CPNE8: variants seen among roughly 807,000 people sequenced by gnomAD.
The protein encoded by CPNE8 is copine 8.
CPNE8 carries 45 observed loss-of-function variants against 81.5 expected under a neutral mutation model. The observed-to-expected ratio is 0.55, with a 90% CI of 0.44 to 0.71. The LOEUF (loss-of-function observed/expected upper bound fraction) is 0.71. CPNE8 is among the 30% of genes least tolerant of loss of function. The pLI is 0.00. For missense variants in CPNE8, 594 were observed against 672.1 expected (o/e 0.88, Z 1.28); for synonymous variants, 252 against 226.3 (o/e 1.11, Z -1.02).
intron 6 of CPNE8, among the ~76,000 whole-genome samples, chr12:38,818,467 C>CT (rs1943062530): frequency 6.6e-6 from 1 of 152,272 alleles, no homozygotes; most frequent in Non-Finnish European, 1.5e-5. Flanking sequence ...TAAACTCATC[C>CT]TTTTTTATGT....
chr12:38,774,699 T>C (rs1941888550), intron 7 of CPNE8, among the ~76,000 whole-genome samples: 1 of 152,078 alleles, frequency 6.6e-6, no homozygotes, highest in South Asian at 2.1e-4. Context: ...GAGTAAGTAG[T>C]CAAGTGTCTT....
chr12:38,848,340 C>T (rs1254667493), intron 4 of CPNE8, among the ~76,000 whole-genome samples: 2 of 152,194 alleles, frequency 1.3e-5, no homozygotes, highest in East Asian at 1.9e-4. Context: ...CCATATACAC[C>T]GTCCTGCATG....
At chr12:38,689,853 A>C (rs1939632366) in intron 15 of CPNE8, among the ~76,000 whole-genome samples, 1 of 152,214 alleles carries the variant, frequency 6.6e-6, no homozygotes, top group South Asian at 2.1e-4. Context: ...TAAATCCAAA[A>C]GGAGTCATCA....
chr12:38,780,483 G>C (rs1942026894), intron 6 of CPNE8, among the ~76,000 whole-genome samples: 1 of 152,082 alleles, frequency 6.6e-6, no homozygotes, highest in East Asian at 1.9e-4. Context: ...TCAATTTCTA[G>C]ATTCAGAAAG....
intron 6 of CPNE8, among the ~76,000 whole-genome samples, chr12:38,811,397 TA>T (rs913637372): frequency 2.6e-5 from 4 of 152,044 alleles, no homozygotes; most frequent in Non-Finnish European, 5.9e-5. Flanking sequence ...GACATAGCAA[TA>T]AAAAATGAAT....
chr12:38,708,238 C>A lies in CPNE8; in HGVS notation c.915-5317G>T, dbSNP rs147560941. Among the ~76,000 whole-genome samples, 499 of 152,106 alleles carry A rather than the reference C, an allele frequency of 3.3e-3. 2 individuals are homozygous for A. Among genetic ancestry groups the A allele is most frequent in the African/African-American group, 0.012 (478 of 41,516 alleles). On this transcript the variant is annotated intron_variant, in intron 13 of 19. Transcript: ENST00000331366. ...TAACCTCAAGCTATAAAACAGGTTTCTTGAAGACTTTAATACATAATTTGT... is the reference window on the plus strand; with the variant it reads ...TAACCTCAAGCTATAAAACAGGTTTATTGAAGACTTTAATACATAATTTGT...
chr12:38,727,528 C>G (rs1257622962), intron 11 of CPNE8, among the ~76,000 whole-genome samples: 1 of 152,118 alleles, frequency 6.6e-6, no homozygotes, highest in Admixed American at 6.5e-5. Context: ...TTGTCATTAA[C>G]TGACTTATAT....
chr12:38,840,023 T>G (rs1943443368), intron 4 of CPNE8, 68 bp from the exon 5 acceptor site: 1 of 1,391,288 alleles, frequency 7.2e-7, no homozygotes, highest in African/African-American at 1.4e-5. Context: ...ACCAGTATTT[T>G]CCAAAACACA....
intron 3 of CPNE8, among the ~76,000 whole-genome samples, chr12:38,868,164 A>G (rs1247815172): frequency 2.0e-5 from 3 of 152,072 alleles, no homozygotes; most frequent in African/African-American, 7.2e-5. Flanking sequence ...TAATGCTGAT[A>G]CCTCCATCAA....
rs749004222 is a variant in CPNE8 at position 38,815,227 on chromosome 12, A to G, written c.407+14152T>C. Among the ~76,000 whole-genome samples the G allele has an allele frequency of 7.2e-4, 110 of 151,996 alleles. 1 individual carries two copies. Among genetic ancestry groups the G allele is most frequent in the Non-Finnish European group, 6.6e-4 (45 of 68,004 alleles). On this transcript the variant is annotated intron_variant, in intron 6 of 19. Coordinates refer to ENST00000331366, the MANE Select transcript of CPNE8 (RefSeq NM_153634.3). ...AATGTTCTGTGACCCTTCCAAGCAC[A>G]TTTTCCTTTTCTGCTCAGTAGCTTC...
intron 6 of CPNE8, among the ~76,000 whole-genome samples, chr12:38,799,610 G>A (rs1942602510): frequency 6.6e-6 from 1 of 152,144 alleles, no homozygotes; most frequent in Non-Finnish European, 1.5e-5. Flanking sequence ...ATCCAAAACT[G>A]ACACCCTAAC....
chr12:38,663,635 T>C (rs372642808), intron 19 of CPNE8, among the ~76,000 whole-genome samples: 1 of 152,050 alleles, frequency 6.6e-6, no homozygotes, highest in African/African-American at 2.4e-5. Context: ...TTTATCCAAA[T>C]GAAAGGAAAT....
At chr12:38,867,471 A>C (rs1340195292) in intron 3 of CPNE8, among the ~76,000 whole-genome samples, 1 of 152,084 alleles carries the variant, frequency 6.6e-6, no homozygotes, top group Non-Finnish European at 1.5e-5. Flanking sequence ...AGTGGAGACA[A>C]TGTCAAACTG....
chr12:38,708,986 T>A (rs1015647565), intron 13 of CPNE8, among the ~76,000 whole-genome samples: 6 of 152,214 alleles, frequency 3.9e-5, no homozygotes, highest in African/African-American at 1.4e-4. Flanking sequence ...CTCCCACTCC[T>A]CTTTAAATTA....
At chr12:38,899,466 A>G (rs1406119334) in intron 1 of CPNE8, among the ~76,000 whole-genome samples, 1 of 152,220 alleles carries the variant, frequency 6.6e-6, no homozygotes, top group African/African-American at 2.4e-5. Flanking sequence ...AAATAAATGT[A>G]TGATGTTAAT....
intron 6 of CPNE8, among the ~76,000 whole-genome samples, chr12:38,825,564 T>C (rs894762588): frequency 6.6e-6 from 1 of 152,172 alleles, no homozygotes; most frequent in Non-Finnish European, 1.5e-5. Context: ...AAAGTATGAA[T>C]GGTTGTGTTT....
intron 19 of CPNE8, among the ~76,000 whole-genome samples, chr12:38,669,968 A>G (rs1315676900): frequency 2.0e-5 from 3 of 152,122 alleles, no homozygotes; most frequent in Admixed American, 1.3e-4. Context: ...CCCACTCAGA[A>G]TCCTTAAAAA....
At chr12:38,715,493 A>T (rs1940363766) in intron 13 of CPNE8, among the ~76,000 whole-genome samples, 1 of 152,214 alleles carries the variant, frequency 6.6e-6, no homozygotes, top group African/African-American at 2.4e-5. Flanking sequence ...AGTTTAACAT[A>T]CGCAATTCAA....
chr12:38,741,826 G>GA lies in CPNE8; in HGVS notation c.723-11469dup, dbSNP rs200221013. On this transcript the variant is annotated intron_variant, in intron 10 of 19. Coordinates refer to ENST00000331366, the MANE Select transcript of CPNE8 (RefSeq NM_153634.3). ...ACAAAGAACTCAAACAAATTTGCAAGAAAAAAAACAAACAACCCCATCAAA... is the reference window on the plus strand; with the variant it reads ...ACAAAGAACTCAAACAAATTTGCAAGAAAAAAAAACAAACAACCCCATCAAA... 5.8e-3 allele frequency among the ~76,000 whole-genome samples: 885 copies of GA among 151,878 alleles called. 5 individuals are homozygous for GA. Among genetic ancestry groups the GA allele is most frequent in the African/African-American group, 0.016 (676 of 41,338 alleles).
Sources: allele counts gnomAD v4.1 joint callset (sites outside exome capture counted in the v4.1 genomes callset), GRCh38; gene constraint gnomAD v4.1.1; transcripts MANE v1.5; gene names NCBI Gene and HGNC (gene_info 2026-07-23, HGNC 2026-07-21).